The following CC2D2A variants were observed in gnomAD, a reference collection of about 807,000 sequenced individuals.
CC2D2A encodes the protein coiled-coil and C2 domain containing 2A.
CC2D2A carries 155 observed loss-of-function variants against 212.9 expected under a neutral mutation model. The observed-to-expected ratio is 0.73, with a 90% CI of 0.64 to 0.83. The LOEUF is 0.83. CC2D2A is among the 40% of genes least tolerant of loss of function. The pLI is 0.00. For synonymous variants in CC2D2A, 667 were observed against 686.5 expected, an observed-to-expected ratio of 0.97 and a Z score of 0.44; for missense variants, 1,856 against 1,956.2, an observed-to-expected ratio of 0.95 and a Z score of 0.97.
chr4:15,489,029 A>G (rs1715158878), intron 4 of CC2D2A, among the ~76,000 whole-genome samples: 1 of 152,228 alleles, frequency 6.6e-6, no homozygotes, highest in Non-Finnish European at 1.5e-5. Flanking sequence ...CTCTTGAGGG[A>G]GTAACTATCA....
Position 15,567,793 on chromosome 4 carries a change from A to G in CC2D2A, c.3398+7A>G, listed in dbSNP as rs772784324. The G allele has an allele frequency of 7.0e-6, 11 of 1,562,590 alleles. No homozygotes were observed. The Admixed American group carries it at 1.2e-4, about 17-fold the overall frequency. ...AACTAGAACTTCCATTTAGGTAAGC[A>G]TATTTTCCTCTTTAAAGAACTATAG... On this transcript the variant is annotated splice_region_variant and intron_variant, in intron 26 of 36. Coordinates refer to ENST00000424120, the MANE Select transcript of CC2D2A (RefSeq NM_001378615.1).
intron 9 of CC2D2A, among the ~76,000 whole-genome samples, chr4:15,515,487 A>C (rs1423918040): frequency 6.6e-6 from 1 of 152,250 alleles, no homozygotes; most frequent in African/African-American, 2.4e-5. Flanking sequence ...CCAGAAGCCC[A>C]GTTAAGTAGA....
chr4:15,507,617 A>G (rs181282168), intron 6 of CC2D2A, among the ~76,000 whole-genome samples: 5 of 152,354 alleles, frequency 3.3e-5, no homozygotes, highest in Admixed American at 2.0e-4. Context: ...GCAGATTAAT[A>G]GGAGAAAAGG....
At chr4:15,482,144 T>C (rs1318820211) in intron 4 of CC2D2A, 1 of 985,442 alleles carries the variant, frequency 1.0e-6, no homozygotes, top group South Asian at 4.7e-5. Context: ...TAAGTAACTG[T>C]TGGAAACTAG....
At chr4:15,524,178 G>A (rs556593841) in intron 11 of CC2D2A, among the ~76,000 whole-genome samples, 11 of 152,172 alleles carry the variant, frequency 7.2e-5, no homozygotes, top group South Asian at 6.2e-4. Flanking sequence ...CTGTTGCCCA[G>A]GCTGGAGTGC....
Position 15,557,223 on chromosome 4 carries a change from T to A in CC2D2A, c.2626-81T>A, listed in dbSNP as rs372264754. 4.4e-4 allele frequency: 366 copies of A among 823,030 alleles called. 2 individuals are homozygous for A. The African/African-American group carries it at 5.4e-3, about 12-fold the overall frequency. The allele number at this position is 823,030 out of a possible 1,614,324, so 51.0% of individuals were successfully genotyped here. A position where few individuals can be genotyped will look rare whatever the true frequency, so the allele number is the denominator to read the frequency against. ...AGTCTTTTAATCTAAAACTGTTAAA[T>A]GTTCCTTGACACTCAGTGCCAAGTT... On this transcript the variant is annotated intron_variant, in intron 20 of 36. Coordinates refer to ENST00000424120, the MANE Select transcript of CC2D2A (RefSeq NM_001378615.1).
chr4:15,500,107 G>GTATATATATATATATATATATATA (rs55743422), intron 4 of CC2D2A, among the ~76,000 whole-genome samples: 2 of 112,948 alleles, frequency 1.8e-5, no homozygotes, highest in South Asian at 3.1e-4. Context: ...GTGTGTGTGT[G>GTATATATATATATATATATATATA]TATATATATA....
chr4:15,496,447 A>G lies in CC2D2A; in HGVS notation c.248-5982A>G, dbSNP rs368482995. ...AAGAGTCTTCTGCACATGGCTAGCC[A>G]GTTATCCTAGCACCTTTTATTGAAT... On this transcript the variant is annotated intron_variant, in intron 4 of 36. Coordinates refer to ENST00000424120, the MANE Select transcript of CC2D2A (RefSeq NM_001378615.1). 4.7e-4 allele frequency among the ~76,000 whole-genome samples: 71 copies of G among 152,274 alleles called. No individual in the cohort carries two copies. The East Asian group carries it at 0.013, about 28-fold the overall frequency.
intron 11 of CC2D2A, among the ~76,000 whole-genome samples, chr4:15,520,591 A>G (rs1431978758): frequency 6.6e-6 from 1 of 152,214 alleles, no homozygotes; most frequent in Non-Finnish European, 1.5e-5. Flanking sequence ...GAAATTCTAA[A>G]CTAATTTAGA....
chr4:15,569,811 C>T (rs7656942), intron 27 of CC2D2A, among the ~76,000 whole-genome samples: 146,133 of 152,294 alleles, frequency 0.96, 70,392 homozygotes, highest in East Asian at 1. Context: ...TCTCAAGATA[C>T]CGGGATATCA....
At chr4:15,591,039 G>A (rs926348935) in intron 33 of CC2D2A, among the ~76,000 whole-genome samples, 1 of 150,800 alleles carries the variant, frequency 6.6e-6, no homozygotes, top group African/African-American at 2.4e-5. Context: ...ATTATTGAAT[G>A]ATTGTTTTTA....
intron 16 of CC2D2A, among the ~76,000 whole-genome samples, chr4:15,539,131 G>A (rs763961929): frequency 1.3e-5 from 2 of 152,158 alleles, no homozygotes; most frequent in Non-Finnish European, 2.9e-5. Context: ...GATAATTAAA[G>A]TCAACCAACT....
intron 1 of CC2D2A, among the ~76,000 whole-genome samples, chr4:15,475,295 A>G (rs28465445): frequency 0.15 from 23,002 of 152,116 alleles, 4,528 homozygotes; most frequent in African/African-American, 0.44. Context: ...TGTAGGGGGC[A>G]GGGGCCTTTT....
intron 17 of CC2D2A, among the ~76,000 whole-genome samples, chr4:15,549,507 C>T (rs1718883283): frequency 6.6e-6 from 1 of 152,186 alleles, no homozygotes; most frequent in East Asian, 1.9e-4. Flanking sequence ...CCAGTCACCA[C>T]TTCATCCTCA....
At chr4:15,600,918 A>AAG (rs34195761) in intron 36 of CC2D2A, among the ~76,000 whole-genome samples, 3 of 115,934 alleles carry the variant, frequency 2.6e-5, no homozygotes, top group Non-Finnish European at 6.1e-5. Context: ...AAAAAAAAAA[A>AAG]AAAGAAAAAA....
chr4:15,517,767 G>T (rs1026186785), intron 11 of CC2D2A, among the ~76,000 whole-genome samples: 10 of 152,070 alleles, frequency 6.6e-5, no homozygotes, highest in Non-Finnish European at 1.5e-4. Flanking sequence ...CCCAAGACTG[G>T]GCAATTTACA....
At position 15,512,770 on chromosome 4, in the gene CC2D2A, T is replaced by C. The variant is rs189941626; in HGVS notation, c.717+1347T>C. 2.7e-3 allele frequency among the ~76,000 whole-genome samples: 408 copies of C among 152,228 alleles called. 4 individuals are homozygous for C. Among genetic ancestry groups the C allele is most frequent in the Non-Finnish European group, 4.5e-3 (305 of 68,008 alleles). On this transcript the variant is annotated intron_variant, in intron 8 of 36. Coordinates refer to ENST00000424120, the MANE Select transcript of CC2D2A (RefSeq NM_001378615.1). ...AGTTCACGACCAGGCTTGGCCAACGTGGTGAAACCCTGTCTCTACTAAAAT... is the reference window on the plus strand; with the variant it reads ...AGTTCACGACCAGGCTTGGCCAACGCGGTGAAACCCTGTCTCTACTAAAAT...
chr4:15,594,560 G>A (rs1721236129), intron 33 of CC2D2A, among the ~76,000 whole-genome samples: 1 of 152,026 alleles, frequency 6.6e-6, no homozygotes, highest in Admixed American at 6.6e-5. Flanking sequence ...AGGTACAAAA[G>A]GACAAGCAGA....
chr4:15,561,810 G>A (rs1719616417), intron 23 of CC2D2A, among the ~76,000 whole-genome samples: 1 of 152,014 alleles, frequency 6.6e-6, no homozygotes, highest in Non-Finnish European at 1.5e-5. Flanking sequence ...TGTCTCTGAG[G>A]CCCCCTAGTT....
Sources: allele counts gnomAD v4.1 joint callset (sites outside exome capture counted in the v4.1 genomes callset), GRCh38; gene constraint gnomAD v4.1.1; transcripts MANE v1.5; gene names NCBI Gene and HGNC (gene_info 2026-07-23, HGNC 2026-07-21).